Variants in DNM2 observed in about 807,000 individuals in gnomAD.
DNM2 encodes the protein dynamin 2, also known as dynamin-2.
Under a neutral mutation model 99.0 loss-of-function variants are expected in DNM2, and 15 were observed. That is an observed-to-expected ratio of 0.15 (90% CI 0.10 to 0.23). The LOEUF is 0.23. DNM2 is among the 10% of genes least tolerant of loss of function. The pLI, the probability that DNM2 is intolerant of heterozygous loss-of-function variation, is 1.00. For synonymous variants in DNM2, 525 were observed against 481.2 expected (o/e 1.09, Z -1.19); for missense variants, 742 against 1,189.4 (o/e 0.62, Z 5.53).
At position 10,795,619 on chromosome 19, in the gene DNM2, G is replaced by T. The variant is rs2071904348; in HGVS notation, c.1196+180G>T. ...TCCAAGGGCACATGAGGGTGGATGT[G>T]TCTTAGTCCTGCGTCCATTGCAGGC... On this transcript the variant is annotated intron_variant, in intron 9 of 20. Coordinates refer to ENST00000389253, the MANE Select transcript of DNM2 (RefSeq NM_001005361.3). This position sits in a 1 kb window ranked among gnomAD's most constrained non-coding sequence, Gnocchi z 4.2. 2 of 684,170 alleles carry T rather than the reference G, an allele frequency of 2.9e-6. No individual in the cohort carries two copies. The highest frequency in any genetic ancestry group is 3.5e-5 in the African/African-American group (2 of 56,526). 42.4% of individuals were successfully genotyped at this position (684,170 alleles called of 1,614,324 possible).
In DNM2 at chr19:10,731,657, A is replaced by C. The variant is rs1469229631; in HGVS notation, c.161+13254A>C. Among the ~76,000 whole-genome samples, 5 of 152,044 alleles carry C rather than the reference A, an allele frequency of 3.3e-5. No individual in the cohort carries two copies. The East Asian group carries it at 7.8e-4, about 24-fold the overall frequency. On this transcript the variant is annotated intron_variant, in intron 1 of 20. Coordinates refer to ENST00000389253, the MANE Select transcript of DNM2 (RefSeq NM_001005361.3). The stretch of plus-strand genomic sequence containing the variant: ...GCGTGAGCCGCCGTGCCCGGCCCCC[A>C]GGTTGTTCTTTTCTACATCAACATC...
chr19:10,808,608 A>G, intron 14 of DNM2, 28 bp downstream of exon 14: 4 of 1,610,424 alleles, frequency 2.5e-6, no homozygotes, highest in Non-Finnish European at 3.4e-6. Context: ...GTGGTAGCAA[A>G]CATTAGAGAA....
chr19:10,735,708 G>A (rs141557835), intron 1 of DNM2, among the ~76,000 whole-genome samples: 46 of 151,238 alleles, frequency 3.0e-4, no homozygotes, highest in African/African-American at 9.0e-4. Context: ...ATGGGGTCTC[G>A]CTGTGTTGCT....
At chr19:10,730,873 T>C (rs980392032) in intron 1 of DNM2, among the ~76,000 whole-genome samples, 21 of 152,170 alleles carry the variant, frequency 1.4e-4, no homozygotes, top group Admixed American at 1.3e-3. Context: ...CACTGCTCTT[T>C]CTGTTACAAG....
rs143053057 is a variant in DNM2 at position 10,818,015 on chromosome 19, C to T, written c.1672-1965C>T. On this transcript the variant is annotated intron_variant, in intron 15 of 20. Transcript: ENST00000389253. This position sits in a 1 kb window ranked among gnomAD's most constrained non-coding sequence, Gnocchi z 4.3. ...CAGCAAAGGCCCTTGGGCAAACGTC[C>T]GAGCCGGGGGCAGGGCTTCTGCAGA... is the stretch of plus-strand genomic sequence containing the variant. 6.6e-5 allele frequency among the ~76,000 whole-genome samples: 10 copies of T among 152,192 alleles called. No individual in the cohort carries two copies. The highest frequency in any genetic ancestry group is 1.9e-4 in the African/African-American group (8 of 41,544).
intron 15 of DNM2, 69 bp from the exon 16 acceptor site, chr19:10,819,911 G>A (rs961391428): frequency 1.5e-5 from 22 of 1,456,588 alleles, no homozygotes; most frequent in Middle Eastern, 1.7e-4. Flanking sequence ...CATGCTACAC[G>A]CTCTGGCCTG....
chr19:10,724,063 G>T (rs919200138), intron 1 of DNM2, among the ~76,000 whole-genome samples: 3 of 147,366 alleles, frequency 2.0e-5, no homozygotes, highest in African/African-American at 7.6e-5. Flanking sequence ...CAGCCTGGGC[G>T]GAAGAACGAG....
intron 16 of DNM2, among the ~76,000 whole-genome samples, chr19:10,821,377 G>T (rs2072962647): frequency 6.6e-6 from 1 of 152,106 alleles, no homozygotes; most frequent in South Asian, 2.1e-4. Flanking sequence ...AAGATAAGAT[G>T]GTTGATAGTT....
intron 16 of DNM2, among the ~76,000 whole-genome samples, chr19:10,822,490 CTT>C (rs1343942418): frequency 6.6e-6 from 1 of 151,708 alleles, no homozygotes; most frequent in Non-Finnish European, 1.5e-5. Flanking sequence ...CATGCCTAAA[CTT>C]TACAAAAATT....
Position 10,820,025 on chromosome 19 carries a change from C to T in DNM2, c.1717C>T (p.Arg573Cys), listed in dbSNP as rs868852976. The T allele has an allele frequency of 1.9e-6, 3 of 1,614,030 alleles. No homozygotes were observed. The highest frequency in any genetic ancestry group is 2.5e-6 in the Non-Finnish European group (3 of 1,180,052). Residue 573 changes from arginine to cysteine, a missense_variant, in exon 16 of 21, where the codon CGT becomes TGT. By Grantham distance (180) the Arg-to-Cys change is radical. This residue lies in a region of DNM2 where 240 missense variants were observed against 431.3 expected (regional missense o/e 0.56). Coordinates refer to ENST00000389253, the MANE Select transcript of DNM2 (RefSeq NM_001005361.3). This position sits in a 1 kb window ranked among gnomAD's most constrained non-coding sequence, Gnocchi z 4.3. Reference protein sequence around the residue: ...YMLPLDNLKIRDVEKGFMSNK... With the variant: ...YMLPLDNLKICDVEKGFMSNK... The stretch of plus-strand genomic sequence containing the variant: ...GCTGCCTCTGGACAACCTCAAGATC[C>T]GTGATGTGGAGAAGGGCTTCATGTC...
intron 1 of DNM2, among the ~76,000 whole-genome samples, chr19:10,723,359 C>CCGA (rs938330825): frequency 3.9e-5 from 6 of 152,128 alleles, no homozygotes; most frequent in Non-Finnish European, 8.8e-5. Flanking sequence ...TCTCGAACTC[C>CCGA]CGACCTCAGG....
chr19:10,804,078 C>T (rs957129472), intron 12 of DNM2, among the ~76,000 whole-genome samples: 2 of 152,124 alleles, frequency 1.3e-5, no homozygotes, highest in African/African-American at 2.4e-5. Flanking sequence ...AGAGAGCCAG[C>T]GGCCAGGCCC....
chr19:10,773,839 C>A (rs149788261), intron 3 of DNM2, among the ~76,000 whole-genome samples: 9 of 152,044 alleles, frequency 5.9e-5, no homozygotes, highest in Non-Finnish European at 1.3e-4. Context: ...TCTCGAACTC[C>A]TAACCTCAGG....
chr19:10,802,591 G>T, intron 12 of DNM2: 1 of 611,924 alleles, frequency 1.6e-6, no homozygotes, highest in East Asian at 3.0e-5. Flanking sequence ...TTAGTTTAGG[G>T]AGAGGGCAGT....
rs146506201 is a variant in DNM2 at position 10,802,302 on chromosome 19, C to A, written c.1437C>A (p.Ile479=). 1.4e-5 allele frequency: 22 copies of A among 1,613,968 alleles called. No homozygotes were observed. ...GRTKDQILLL[I]DIEQSYINTN... is the part of the protein sequence containing the mutation. ...CTCTCCCCCAGATTCTTCTGCTGAT[C>A]GACATTGAGCAGTCCTACATCAACA... Residue 479 remains isoleucine, a synonymous_variant, in exon 12 of 21, where the codon ATC becomes ATA. Coordinates refer to ENST00000389253, the MANE Select transcript of DNM2 (RefSeq NM_001005361.3).
chr19:10,775,919 C>G lies in DNM2; in HGVS notation c.589+13C>G. The G allele has an allele frequency of 1.2e-6, 2 of 1,608,548 alleles. No homozygotes were observed. Among genetic ancestry groups the G allele is most frequent in the Non-Finnish European group, 1.7e-6 (2 of 1,179,950 alleles). On this transcript the variant is annotated intron_variant, in intron 4 of 20. Coordinates refer to ENST00000389253, the MANE Select transcript of DNM2 (RefSeq NM_001005361.3). This position sits in a 1 kb window ranked among gnomAD's most constrained non-coding sequence, Gnocchi z 4.3. Reference sequence around the variant, plus strand: ...GTCGATCCCCAAGGTAACCCTGAGCCTAGGGCAGTCCCCTCTTCCAGGTGC... The same window carrying G: ...GTCGATCCCCAAGGTAACCCTGAGCGTAGGGCAGTCCCCTCTTCCAGGTGC...
chr19:10,786,379 G>C, intron 6 of DNM2, 185 bp from the exon 7 acceptor site: 1 of 989,906 alleles, frequency 1.0e-6, no homozygotes, highest in Non-Finnish European at 1.5e-6. Flanking sequence ...GCTCCGTGCC[G>C]TCTCCGTTCC....
chr19:10,726,757 G>A (rs1189163795), intron 1 of DNM2, among the ~76,000 whole-genome samples: 4 of 152,106 alleles, frequency 2.6e-5, no homozygotes, highest in Admixed American at 6.6e-5. Flanking sequence ...CCAGCTATTC[G>A]GGAGGCTGAG....
chr19:10,815,001 C>T (rs995694964), intron 15 of DNM2, among the ~76,000 whole-genome samples: 5 of 152,282 alleles, frequency 3.3e-5, no homozygotes, highest in Admixed American at 3.3e-4. Flanking sequence ...GAGAAGACTG[C>T]AGGCTGTCCT....
Sources: gnomAD v4.1 joint callset for allele counts (sites outside exome capture counted in the v4.1 genomes callset) on GRCh38, gnomAD v4.1.1 for gene constraint, gnomAD v4.1.1 regional missense constraint, Gnocchi (gnomAD v3.1) non-coding constraint, MANE v1.5 for transcripts, NCBI Gene and HGNC (gene_info 2026-07-23, HGNC 2026-07-21) for gene names.